The following MAGI3 variants were observed in gnomAD, a reference collection of about 807,000 sequenced individuals.
MAGI3 encodes the protein membrane-associated guanylate kinase, WW and PDZ domain-containing protein 3.
MAGI3 carries 43 observed loss-of-function variants against 121.8 expected under a neutral mutation model. The ratio of observed to expected loss-of-function variants is 0.35; its 90% CI spans 0.28 to 0.46. MAGI3 has a LOEUF of 0.46. MAGI3 is among the 20% of genes least tolerant of loss of function. The pLI, the probability that MAGI3 is intolerant of heterozygous loss-of-function variation, is 1.00. For synonymous variants in MAGI3, 553 were observed against 639.3 expected (o/e 0.86, Z 2.04); for missense variants, 1,547 against 1,797.3 (o/e 0.86, Z 2.52).
intron 19 of MAGI3, among the ~76,000 whole-genome samples, chr1:113,673,686 A>G (rs538615129): frequency 1.8e-4 from 27 of 152,362 alleles, no homozygotes; most frequent in Admixed American, 8.5e-4. Flanking sequence ...TATTGCAGTT[A>G]TGCCACTTTT....
At chr1:113,516,390 C>CAAAAAAA (rs60186333) in intron 1 of MAGI3, among the ~76,000 whole-genome samples, 8 of 70,992 alleles carry the variant, frequency 1.1e-4, no homozygotes, top group South Asian at 5.9e-4. Flanking sequence ...GAAGTTCTCA[C>CAAAAAAA]AAAAAAAAAA....
intron 6 of MAGI3, among the ~76,000 whole-genome samples, chr1:113,600,914 C>T (rs1020750636): frequency 6.6e-5 from 10 of 152,050 alleles, no homozygotes; most frequent in Admixed American, 1.3e-4. Context: ...GAAATAGCGC[C>T]GCCTATCTAC....
At chr1:113,682,332 CTTCTT>C (rs954928590) in intron 20 of MAGI3, 15 of 1,569,490 alleles carry the variant, frequency 9.6e-6, no homozygotes, top group Middle Eastern at 1.7e-4. Flanking sequence ...AAATCACTTT[CTTCTT>C]TTGTTTTCTT....
At chr1:113,639,788 G>T (rs759905237) in intron 9 of MAGI3, among the ~76,000 whole-genome samples, 33 of 152,030 alleles carry the variant, frequency 2.2e-4, no homozygotes, top group Admixed American at 5.9e-4. Context: ...GGCTGGTCTT[G>T]AACTCCTGAC....
intron 1 of MAGI3, among the ~76,000 whole-genome samples, chr1:113,442,966 A>G (rs1188378572): frequency 6.6e-6 from 1 of 152,108 alleles, no homozygotes; most frequent in Non-Finnish European, 1.5e-5. Flanking sequence ...ATCTTGTATT[A>G]TATTGTAAAT....
At chr1:113,397,963 C>T (rs1570911174) in intron 1 of MAGI3, among the ~76,000 whole-genome samples, 2 of 152,150 alleles carry the variant, frequency 1.3e-5, no homozygotes, top group African/African-American at 4.8e-5. Flanking sequence ...CCCGCCTTCC[C>T]TTTTGTTACA....
intron 1 of MAGI3, among the ~76,000 whole-genome samples, chr1:113,529,157 C>T (rs1351618859): frequency 6.6e-6 from 1 of 152,164 alleles, no homozygotes; most frequent in Non-Finnish European, 1.5e-5. Flanking sequence ...ACCACCCTGT[C>T]ATAGGTAAAC....
Position 113,685,716 on chromosome 1 carries a change from T to G in MAGI3, c.*1702T>G, listed in dbSNP as rs1648511097. 1 of 152,362 alleles carries G rather than the reference T, an allele frequency of 6.6e-6. No homozygotes were observed. Among genetic ancestry groups the G allele is most frequent in the Non-Finnish European group, 1.5e-5 (1 of 68,032 alleles). The allele number at this position is 152,362 out of a possible 1,614,324, so 9.4% of individuals were successfully genotyped here. On this transcript the variant is annotated 3_prime_UTR_variant, in exon 21 of 21. Coordinates refer to ENST00000307546, the MANE Select transcript of MAGI3 (RefSeq NM_001142782.2). ...TGTGACATAACTTTGATGTCATATGTTGTCCTATGTGGTTCTTCCTAAGTA... is the reference window on the plus strand; with the variant it reads ...TGTGACATAACTTTGATGTCATATGGTGTCCTATGTGGTTCTTCCTAAGTA...
At chr1:113,598,560 G>A (rs1487133222) in intron 6 of MAGI3, among the ~76,000 whole-genome samples, 1 of 151,364 alleles carries the variant, frequency 6.6e-6, no homozygotes, top group Non-Finnish European at 1.5e-5. Flanking sequence ...AGATTTTAAA[G>A]CAACAACAGT....
chr1:113,427,777 A>T (rs1304141673), intron 1 of MAGI3, among the ~76,000 whole-genome samples: 1 of 152,158 alleles, frequency 6.6e-6, no homozygotes, highest in Non-Finnish European at 1.5e-5. Context: ...ATATTTTATT[A>T]ATTTTAATTT....
intron 2 of MAGI3, among the ~76,000 whole-genome samples, chr1:113,555,862 C>T (rs1212339381): frequency 6.6e-6 from 1 of 151,874 alleles, no homozygotes; most frequent in Non-Finnish European, 1.5e-5. Context: ...ATAATCATGT[C>T]AGGAATGAGA....
At chr1:113,474,537 T>C (rs1381521336) in intron 1 of MAGI3, among the ~76,000 whole-genome samples, 1 of 152,222 alleles carries the variant, frequency 6.6e-6, no homozygotes, top group Non-Finnish European at 1.5e-5. Context: ...TCCCCATTTC[T>C]TGTTTTTGTC....
intron 1 of MAGI3, among the ~76,000 whole-genome samples, chr1:113,423,795 G>T (rs940101567): frequency 6.6e-6 from 1 of 151,816 alleles, no homozygotes; most frequent in African/African-American, 2.4e-5. Flanking sequence ...TCCCTTTCCC[G>T]CCTGGGAATC....
intron 1 of MAGI3, among the ~76,000 whole-genome samples, chr1:113,437,857 CTTCTTCCTCTT>C (rs1557757023): frequency 0.025 from 1,207 of 48,336 alleles, 65 homozygotes; most frequent in Non-Finnish European, 0.028. Flanking sequence ...TCTTCTTCTT[CTTCTTCCTCTT>C]CTTCTTCTTC....
Position 113,391,457 on chromosome 1 carries a change from T to C in MAGI3, c.316+108T>C, listed in dbSNP as rs905532622. 7.9e-6 allele frequency: 10 copies of C among 1,263,572 alleles called. No individual in the cohort carries two copies. The highest frequency in any genetic ancestry group is 1.1e-5 in the Non-Finnish European group (10 of 903,432). 78.3% of individuals were successfully genotyped at this position (1,263,572 alleles called of 1,614,324 possible). A position where few individuals can be genotyped will look rare whatever the true frequency, so the allele number is the denominator to read the frequency against. ...CACCGCGTATTGTCCCGGGTAATCTTAGACCTCTAGGGTGTGCCAGACTCC... is the reference window on the plus strand; with the variant it reads ...CACCGCGTATTGTCCCGGGTAATCTCAGACCTCTAGGGTGTGCCAGACTCC... On this transcript the variant is annotated intron_variant, in intron 1 of 20. Transcript: ENST00000307546. The surrounding 1 kb of genome is among the most constrained non-coding windows in gnomAD (Gnocchi z 4.4).
rs925217547 is a variant in MAGI3, at chr1:113,638,676, C to G, written c.1361-3235C>G. 5.9e-5 allele frequency among the ~76,000 whole-genome samples: 9 copies of G among 152,328 alleles called. No homozygotes were observed. In the East Asian group the frequency reaches 1.7e-3, roughly 29 times the overall value. ...CCTCCCAGTTAGGCTGCTCAGGGGT[C>G]AGGGGTCAGGGACCCACTTGAGGAG... On this transcript the variant is annotated intron_variant, in intron 9 of 20. Coordinates refer to ENST00000307546, the MANE Select transcript of MAGI3 (RefSeq NM_001142782.2).
chr1:113,614,714 C>G, intron 7 of MAGI3, 56 bp downstream of exon 7: 2 of 1,264,204 alleles, frequency 1.6e-6, no homozygotes, highest in Non-Finnish European at 2.3e-6. Context: ...CAGCATATAG[C>G]TTTAGAGAAT....
At chr1:113,449,761 G>A (rs1441302071) in intron 1 of MAGI3, 2 of 1,028,520 alleles carry the variant, frequency 1.9e-6, no homozygotes, top group Admixed American at 3.4e-5. Context: ...GGTGGTCTGA[G>A]CTTTGAAACT....
chr1:113,535,430 A>G (rs1372922892), intron 1 of MAGI3, among the ~76,000 whole-genome samples: 4 of 152,114 alleles, frequency 2.6e-5, no homozygotes, highest in Non-Finnish European at 5.9e-5. Context: ...CCAATTTTGT[A>G]AATATTGTAT....
Sources: gnomAD v4.1 joint callset for allele counts (sites outside exome capture counted in the v4.1 genomes callset) on GRCh38, gnomAD v4.1.1 for gene constraint, Gnocchi (gnomAD v3.1) non-coding constraint, MANE v1.5 for transcripts, NCBI Gene and HGNC (gene_info 2026-07-23, HGNC 2026-07-21) for gene names.